AFF3: variants seen among roughly 807,000 people sequenced by gnomAD.
AFF3 encodes ALF transcription elongation factor 3, also known as AF4/FMR2 family member 3.
In AFF3, 32 loss-of-function variants were observed where a neutral mutation model predicts 129.7. The ratio of observed to expected loss-of-function variants is 0.25; its 90% CI spans 0.19 to 0.33. The LOEUF (loss-of-function observed/expected upper bound fraction) is 0.33, where lower values mean the gene tolerates loss of function less well. AFF3 is among the 10% of genes least tolerant of loss of function. The pLI is 1.00. For missense variants in AFF3, 1,373 were observed against 1,592.0 expected (o/e 0.86, Z 2.34); for synonymous variants, 644 against 635.4 (o/e 1.01, Z -0.20).
chr2:100,104,158 A>T (rs1399586476), intron 4 of AFF3, among the ~76,000 whole-genome samples: 1 of 152,060 alleles, frequency 6.6e-6, no homozygotes, highest in East Asian at 1.9e-4. Context: ...CTAGATCACC[A>T]GTCCCTGGGC....
intron 7 of AFF3, among the ~76,000 whole-genome samples, chr2:99,942,455 T>A (rs1216058409): frequency 6.8e-6 from 1 of 147,564 alleles, no homozygotes. Context: ...AGTGAGTGAC[T>A]GCTGGGAGCT....
chr2:99,956,396 C>T (rs1025804460), intron 7 of AFF3, among the ~76,000 whole-genome samples: 1 of 152,128 alleles, frequency 6.6e-6, no homozygotes, highest in Admixed American at 6.5e-5. Context: ...GGAACTGTGA[C>T]GGACATGTAA....
chr2:99,909,350 G>A (rs993759479), intron 7 of AFF3, among the ~76,000 whole-genome samples: 2 of 137,452 alleles, frequency 1.5e-5, no homozygotes, highest in African/African-American at 5.4e-5. Flanking sequence ...GGTGAGGGGA[G>A]GGGGGAGGGA....
intron 10 of AFF3, among the ~76,000 whole-genome samples, chr2:99,730,202 C>T (rs745781617): frequency 1.3e-5 from 2 of 152,028 alleles, no homozygotes; most frequent in Non-Finnish European, 2.9e-5. Context: ...CTTAAGGTAC[C>T]CTCGCCAGTG....
At chr2:100,015,344 T>A (rs1682923457) in intron 4 of AFF3, among the ~76,000 whole-genome samples, 1 of 151,968 alleles carries the variant, frequency 6.6e-6, no homozygotes, top group South Asian at 2.1e-4. Context: ...GAGAAGACAA[T>A]CTTTTCAGAT....
In AFF3 at chr2:99,548,737, G is replaced by A. The variant is rs998150671; in HGVS notation, c.*2737C>T. ...CAGCTTGGGCTACAGAGCCAGACCC[G>A]GTCTCAAAACCAACCAAACCAACAA... On this transcript the variant is annotated 3_prime_UTR_variant, in exon 25 of 25. Coordinates refer to ENST00000672756, the MANE Select transcript of AFF3 (RefSeq NM_001386135.1). 6 of 229,216 alleles carry A rather than the reference G, an allele frequency of 2.6e-5. No homozygotes were observed. Among genetic ancestry groups the A allele is most frequent in the African/African-American group, 8.9e-5 (4 of 45,084 alleles). 14.2% of individuals were successfully genotyped at this position (229,216 alleles called of 1,614,324 possible).
intron 7 of AFF3, among the ~76,000 whole-genome samples, chr2:99,937,601 A>G (rs543737008): frequency 3.3e-5 from 5 of 152,138 alleles, no homozygotes; most frequent in African/African-American, 9.6e-5. Context: ...GTTTTACCAT[A>G]TTGACCAGGG....
At chr2:99,636,282 C>T (rs944933393) in intron 13 of AFF3, among the ~76,000 whole-genome samples, 4 of 152,290 alleles carry the variant, frequency 2.6e-5, no homozygotes, top group Non-Finnish European at 4.4e-5. Flanking sequence ...CACAGGGAGG[C>T]CATGTGGGGA....
intron 4 of AFF3, among the ~76,000 whole-genome samples, chr2:100,038,020 CT>C (rs1418282572): frequency 2.7e-5 from 4 of 150,916 alleles, no homozygotes; most frequent in Non-Finnish European, 5.9e-5. Context: ...TAAAAGAAAA[CT>C]TTTCAAGGTC....
chr2:99,755,392 C>T lies in AFF3; in HGVS notation c.922-3091G>A, dbSNP rs1682011827. Among the ~76,000 whole-genome samples the T allele has an allele frequency of 2.6e-5, 4 of 152,030 alleles. 1 individual carries two copies. The South Asian group carries it at 6.2e-4, about 24-fold the overall frequency. On this transcript the variant is annotated intron_variant, in intron 8 of 24. Transcript: ENST00000672756. ...AAGCAATTCTCCTGCCTCAGCCTCCCGAGTAGCTGGGATTACAGGCATGCG... is the reference window on the plus strand; with the variant it reads ...AAGCAATTCTCCTGCCTCAGCCTCCTGAGTAGCTGGGATTACAGGCATGCG...
intron 12 of AFF3, among the ~76,000 whole-genome samples, chr2:99,650,157 A>T (rs1264876574): frequency 6.6e-6 from 1 of 152,242 alleles, no homozygotes; most frequent in Admixed American, 6.5e-5. Context: ...TCAAGGGATT[A>T]TTGATTTGCT....
chr2:99,991,111 C>G (rs764785358), intron 7 of AFF3, among the ~76,000 whole-genome samples: 1 of 152,120 alleles, frequency 6.6e-6, no homozygotes, highest in Non-Finnish European at 1.5e-5. Flanking sequence ...CCTACCCAGT[C>G]TTCACCTGAG....
chr2:100,009,042 A>C, intron 4 of AFF3, 110 bp from the exon 5 acceptor site: 1 of 1,397,486 alleles, frequency 7.2e-7, no homozygotes, highest in Non-Finnish European at 9.6e-7. Context: ...AATGGTGATG[A>C]CAACAAGAAC....
At chr2:99,630,712 G>C (rs1010879122) in intron 13 of AFF3, 3 of 159,626 alleles carry the variant, frequency 1.9e-5, no homozygotes, top group Non-Finnish European at 4.2e-5. Flanking sequence ...GAGACAGAGA[G>C]TGAGCAAAGA....
At chr2:99,673,545 T>A (rs1006556279) in intron 11 of AFF3, among the ~76,000 whole-genome samples, 2 of 152,254 alleles carry the variant, frequency 1.3e-5, no homozygotes, top group Admixed American at 1.3e-4. Flanking sequence ...TACTCAGAAG[T>A]GCACTGTATA....
chr2:99,901,459 C>A (rs542476885), intron 7 of AFF3, among the ~76,000 whole-genome samples: 1 of 152,126 alleles, frequency 6.6e-6, no homozygotes, highest in African/African-American at 2.4e-5. Flanking sequence ...TCTTCACAGC[C>A]GAAGGGACAC....
intron 7 of AFF3, among the ~76,000 whole-genome samples, chr2:99,992,307 C>T (rs1288542091): frequency 6.6e-6 from 1 of 152,032 alleles, no homozygotes; most frequent in African/African-American, 2.4e-5. Flanking sequence ...TAAATGTGGT[C>T]ACCAGAGAAA....
At chr2:100,001,448 A>G (rs576734088) in intron 7 of AFF3, among the ~76,000 whole-genome samples, 4 of 152,084 alleles carry the variant, frequency 2.6e-5, no homozygotes, top group Non-Finnish European at 4.4e-5. Context: ...GGTTTTTTTG[A>G]GACGGAGTCT....
intron 13 of AFF3, among the ~76,000 whole-genome samples, chr2:99,611,560 T>TC (rs977126477): frequency 1.3e-5 from 2 of 151,946 alleles, no homozygotes; most frequent in African/African-American, 2.4e-5. Flanking sequence ...CAGTTTTTTT[T>TC]CCCCCCACGG....
Sources: gnomAD v4.1 joint callset for allele counts (sites outside exome capture counted in the v4.1 genomes callset) on GRCh38, gnomAD v4.1.1 for gene constraint, MANE v1.5 for transcripts, NCBI Gene and HGNC (gene_info 2026-07-23, HGNC 2026-07-21) for gene names.